ADARB1: variants seen among roughly 807,000 people sequenced by gnomAD.
ADARB1 encodes the protein adenosine deaminase RNA specific B1.
In ADARB1, 10 loss-of-function variants were observed where a neutral mutation model predicts 52.4. That is an observed-to-expected ratio of 0.19 (90% CI 0.12 to 0.32). The LOEUF is 0.32. Among genes scored for constraint, ADARB1 ranks in the 10% least tolerant of loss-of-function variants. The probability of loss-of-function intolerance (pLI) is 1.00; values close to 1 mark genes in which losing one functional copy is unlikely to be tolerated. For synonymous variants in ADARB1, 349 were observed against 371.1 expected, an observed-to-expected ratio of 0.94 and a Z score of 0.68; for missense variants, 643 against 922.3, an observed-to-expected ratio of 0.70 and a Z score of 3.92.
chr21:45,111,113 C>T (rs2087513876), intron 1 of ADARB1, among the ~76,000 whole-genome samples: 1 of 152,124 alleles, frequency 6.6e-6, no homozygotes, highest in Admixed American at 6.5e-5. Flanking sequence ...TTGCAGAGCC[C>T]GCCAGGCTGT....
chr21:45,181,610 G>C (rs2091936369), intron 5 of ADARB1: 1 of 152,436 alleles, frequency 6.6e-6, no homozygotes, highest in Non-Finnish European at 1.5e-5. Context: ...TTTTGTTGTT[G>C]TTGTTTTTAA....
intron 2 of ADARB1, among the ~76,000 whole-genome samples, chr21:45,149,467 A>C (rs1290164609): frequency 6.6e-6 from 1 of 152,256 alleles, no homozygotes. Flanking sequence ...CAGAGTTTTA[A>C]GTCAAGCCAG....
chr21:45,219,434 G>A (rs751367739), intron 9 of ADARB1, among the ~76,000 whole-genome samples: 67 of 152,210 alleles, frequency 4.4e-4, no homozygotes, highest in South Asian at 2.3e-3. Flanking sequence ...AGAGGCAGGA[G>A]AATCGCTTGA....
chr21:45,207,913 C>G lies in ADARB1; in HGVS notation c.1747+3177C>G, dbSNP rs2092696394. 2.0e-5 allele frequency among the ~76,000 whole-genome samples: 3 copies of G among 152,068 alleles called. No individual in the cohort carries two copies. The South Asian group carries it at 6.2e-4, about 31-fold the overall frequency. ...CTTTCTTTTAAAAAGATAATGCTGT[C>G]AGGATTAAAGTGAGAAGAATTTAAT... On this transcript the variant is annotated intron_variant, in intron 9 of 10. Coordinates refer to ENST00000348831, the MANE Select transcript of ADARB1 (RefSeq NM_001112.4).
At chr21:45,080,179 C>T (rs183535229) in intron 1 of ADARB1, among the ~76,000 whole-genome samples, 9 of 152,052 alleles carry the variant, frequency 5.9e-5, no homozygotes, top group East Asian at 5.8e-4. Flanking sequence ...TCAGTGTAGA[C>T]GACTCTCTAG....
At chr21:45,150,455 T>G (rs2090227134) in intron 2 of ADARB1, among the ~76,000 whole-genome samples, 1 of 152,254 alleles carries the variant, frequency 6.6e-6, no homozygotes, top group Non-Finnish European at 1.5e-5. Flanking sequence ...TGTGAAATGT[T>G]TAAATCAAAA....
Position 45,222,965 on chromosome 21 carries a change from A to G in ADARB1, c.*768A>G, listed in dbSNP as rs1026250239. On this transcript the variant is annotated 3_prime_UTR_variant, in exon 11 of 11. Coordinates refer to ENST00000348831, the MANE Select transcript of ADARB1 (RefSeq NM_001112.4). Reference sequence around the variant, plus strand: ...CTCCTTGTAGGATCAGATCATGGAAAACTTTTCTCAGTTTACTTCTAAGTA... The same window carrying G: ...CTCCTTGTAGGATCAGATCATGGAAGACTTTTCTCAGTTTACTTCTAAGTA... 5 of 985,350 alleles carry G rather than the reference A, an allele frequency of 5.1e-6. No individual in the cohort carries two copies. The African/African-American group carries it at 5.2e-5, about 10-fold the overall frequency. The allele number at this position is 985,350 out of a possible 1,614,324, so 61.0% of individuals were successfully genotyped here.
chr21:45,205,237 G>T (rs1323825990), intron 9 of ADARB1, among the ~76,000 whole-genome samples: 1 of 151,982 alleles, frequency 6.6e-6, no homozygotes, highest in Non-Finnish European at 1.5e-5. Flanking sequence ...CTCCAGCCTG[G>T]ACAACAGAGT....
intron 5 of ADARB1, 59 bp from the exon 6 acceptor site, chr21:45,182,526 C>T (rs1237030977): frequency 6.5e-7 from 1 of 1,542,156 alleles, no homozygotes; most frequent in Non-Finnish European, 8.7e-7. Flanking sequence ...TTCAGGAGCA[C>T]AGTTAGGCAA....
intron 1 of ADARB1, among the ~76,000 whole-genome samples, chr21:45,107,139 C>T (rs893693300): frequency 5.3e-5 from 8 of 151,848 alleles, no homozygotes; most frequent in African/African-American, 1.5e-4. Context: ...ATAGCAACAA[C>T]GAGAAAATAT....
chr21:45,221,125 C>A lies in ADARB1; in HGVS notation c.1926+111C>A. ...TCATCATGTCATCATGCACAGCTTC[C>A]GAAAACGATCACTTGGAATGATTCT... On this transcript the variant is annotated intron_variant, in intron 10 of 10. Coordinates refer to ENST00000348831, the MANE Select transcript of ADARB1 (RefSeq NM_001112.4). The surrounding 1 kb of genome is among the most constrained non-coding windows in gnomAD (Gnocchi z 4.9). 8.1e-7 allele frequency: 1 copy of A among 1,230,164 alleles called. No homozygotes were observed. The highest frequency in any genetic ancestry group is 1.1e-6 in the Non-Finnish European group (1 of 902,158). 76.2% of individuals were successfully genotyped at this position (1,230,164 alleles called of 1,614,324 possible).
chr21:45,150,156 G>A lies in ADARB1; in HGVS notation c.-47-21454G>A, dbSNP rs142823608. On this transcript the variant is annotated intron_variant, in intron 2 of 10. Transcript: ENST00000348831. ...AAAGAAATTAGCCAGACGTGGTGGC[G>A]CACGCTACTTGGGAGGCCAAGGCAG... 5.3e-3 allele frequency among the ~76,000 whole-genome samples: 801 copies of A among 152,260 alleles called. 17 individuals are homozygous for A. Among genetic ancestry groups the A allele is most frequent in the East Asian group, 0.043 (220 of 5,172 alleles).
intron 1 of ADARB1, among the ~76,000 whole-genome samples, chr21:45,082,982 A>ATAGC (rs2086210314): frequency 6.6e-6 from 1 of 152,202 alleles, no homozygotes; most frequent in Non-Finnish European, 1.5e-5. Flanking sequence ...CTTGGGGCCT[A>ATAGC]TAGCTAGCCC....
At chr21:45,145,901 C>T (rs993332933) in intron 2 of ADARB1, 12 of 152,368 alleles carry the variant, frequency 7.9e-5, no homozygotes, top group African/African-American at 2.9e-4. Flanking sequence ...CTGCCAGATT[C>T]CTGAAAAGTT....
At chr21:45,083,313 C>T (rs1161864889) in intron 1 of ADARB1, among the ~76,000 whole-genome samples, 7 of 152,236 alleles carry the variant, frequency 4.6e-5, no homozygotes, top group Non-Finnish European at 7.3e-5. Context: ...ACTGCCCCCC[C>T]ATCCTATTGT....
intron 1 of ADARB1, among the ~76,000 whole-genome samples, chr21:45,121,346 T>A (rs770803287): frequency 1.3e-5 from 2 of 152,234 alleles, no homozygotes; most frequent in Non-Finnish European, 2.9e-5. Flanking sequence ...ATCTTTATTC[T>A]TATTGTGGAA....
chr21:45,109,225 T>G (rs1372953984), intron 1 of ADARB1, among the ~76,000 whole-genome samples: 2 of 146,308 alleles, frequency 1.4e-5, no homozygotes, highest in East Asian at 4.0e-4. Flanking sequence ...GTGTGCGCGC[T>G]TGTGTGTATA....
intron 1 of ADARB1, among the ~76,000 whole-genome samples, chr21:45,122,223 A>C (rs1216730527): frequency 2.6e-5 from 4 of 152,244 alleles, no homozygotes; most frequent in Non-Finnish European, 4.4e-5. Flanking sequence ...GCAGAGCCTC[A>C]ATTTCCACAG....
At position 45,224,280 on chromosome 21, in the gene ADARB1, G is replaced by A; in HGVS notation, c.*2083G>A. 4 of 985,422 alleles carry A rather than the reference G, an allele frequency of 4.1e-6. No homozygotes were observed. Among genetic ancestry groups the A allele is most frequent in the Non-Finnish European group, 4.8e-6 (4 of 829,950 alleles). The allele number at this position is 985,422 out of a possible 1,614,324, so 61.0% of individuals were successfully genotyped here. A position where few individuals can be genotyped will look rare whatever the true frequency, so the allele number is the denominator to read the frequency against. On this transcript the variant is annotated 3_prime_UTR_variant, in exon 11 of 11. Transcript: ENST00000348831. Reference sequence around the variant, plus strand: ...TATGTCTGGCTTTTCCCTTCTGTCAGGTAATAGCTAAAGTCAGCATGATTG... The same window carrying A: ...TATGTCTGGCTTTTCCCTTCTGTCAAGTAATAGCTAAAGTCAGCATGATTG...
Sources: allele counts gnomAD v4.1 joint callset (sites outside exome capture counted in the v4.1 genomes callset), GRCh38; gene constraint gnomAD v4.1.1; non-coding constraint Gnocchi (gnomAD v3.1); transcripts MANE v1.5; gene names NCBI Gene and HGNC (gene_info 2026-07-23, HGNC 2026-07-21).